ZFHX3: variants seen among roughly 807,000 people sequenced by gnomAD.
ZFHX3 encodes the protein zinc finger homeobox protein 3.
In ZFHX3, 42 loss-of-function variants were observed where a neutral mutation model predicts 279.1. The ratio of observed to expected loss-of-function variants is 0.15; its 90% confidence interval spans 0.12 to 0.19. ZFHX3 has a LOEUF of 0.19. ZFHX3 is among the 10% of genes least tolerant of loss of function. The probability of loss-of-function intolerance (pLI) is 1.00; values close to 1 mark genes in which losing one functional copy is unlikely to be tolerated. For synonymous variants in ZFHX3, 2,293 were observed against 1,957.8 expected (o/e 1.17, Z -4.52); for missense variants, 4,981 against 4,754.0 (o/e 1.05, Z -1.40).
intron 1 of ZFHX3, among the ~76,000 whole-genome samples, chr16:73,738,020 A>G (rs574469263): frequency 2.0e-5 from 3 of 152,154 alleles, no homozygotes; most frequent in Admixed American, 6.6e-5. Flanking sequence ...GGGGATTATC[A>G]TGGGATTTTA....
intron 1 of ZFHX3, among the ~76,000 whole-genome samples, chr16:73,685,544 C>CAATAAAG (rs2053073974): frequency 6.6e-6 from 1 of 152,188 alleles, no homozygotes; most frequent in African/African-American, 2.4e-5. Flanking sequence ...CCCAATGAGA[C>CAATAAAG]CCTTCTCAGA....
At chr16:72,923,664 C>T (rs1340026592) in intron 3 of ZFHX3, among the ~76,000 whole-genome samples, 1 of 152,100 alleles carries the variant, frequency 6.6e-6, no homozygotes. Context: ...TAAGACCATT[C>T]CACAGCCTAC....
intron 3 of ZFHX3, among the ~76,000 whole-genome samples, chr16:73,319,956 T>C (rs887384837): frequency 6.6e-6 from 1 of 152,204 alleles, no homozygotes; most frequent in African/African-American, 2.4e-5. Context: ...ATTAAAATGA[T>C]GAGAGTGAAC....
rs370097023 is a variant in ZFHX3, at chr16:73,679,828, C to A, written c.-1547+352G>T. 38 of 152,254 alleles carry A rather than the reference C, an allele frequency of 2.5e-4. 1 individual carries two copies. The highest frequency in any genetic ancestry group is 8.3e-4 in the South Asian group (4 of 4,824). 9.4% of individuals were successfully genotyped at this position (152,254 alleles called of 1,614,324 possible). A position where few individuals can be genotyped will look rare whatever the true frequency, so the allele number is the denominator to read the frequency against. On this transcript the variant is annotated intron_variant, in intron 2 of 17. Coordinates refer to the ZFHX3 transcript ENST00000641206. ...CAAAGCTCATGACTTACACAGCCAG[C>A]ACCTCCCGTAGCAATCGTTCTGCTG...
At chr16:73,602,323 C>T (rs1289717741) in intron 2 of ZFHX3, among the ~76,000 whole-genome samples, 2 of 152,234 alleles carry the variant, frequency 1.3e-5, no homozygotes, top group Middle Eastern at 3.4e-3. Flanking sequence ...ATGTATATCA[C>T]GCAGTGCTGA....
At position 73,192,736 on chromosome 16, in the gene ZFHX3, C is replaced by T. The variant is rs572276506; in HGVS notation, c.-1103-48905G>A. On this transcript the variant is annotated intron_variant, in intron 5 of 17. Coordinates refer to the ZFHX3 transcript ENST00000641206. ...TGTCCTCGTTAATTTTAACCTCATG[C>T]GCTGGTGCTTTAAGCAGATTTCCAT... Among the ~76,000 whole-genome samples, 27 of 152,290 alleles carry T rather than the reference C, an allele frequency of 1.8e-4. No individual in the cohort carries two copies. The South Asian group carries it at 5.2e-3, about 29-fold the overall frequency.
intron 7 of ZFHX3, among the ~76,000 whole-genome samples, chr16:73,112,640 C>G (rs1198881175): frequency 1.6e-5 from 2 of 124,360 alleles, no homozygotes; most frequent in African/African-American, 6.1e-5. Flanking sequence ...CTCTTGAACC[C>G]GGGAGGTGGA....
chr16:72,967,551 T>C (rs1961902212), intron 1 of ZFHX3, among the ~76,000 whole-genome samples: 2 of 152,050 alleles, frequency 1.3e-5, no homozygotes, highest in Non-Finnish European at 2.9e-5. Context: ...AAAATCACCA[T>C]TTGATAACCA....
At chr16:73,855,520 G>GGAA (rs1961705905) in intron 1 of ZFHX3, among the ~76,000 whole-genome samples, 1 of 152,030 alleles carries the variant, frequency 6.6e-6, no homozygotes, top group African/African-American at 2.4e-5. Flanking sequence ...AGGAGGAGGA[G>GGAA]GAGGAGGAAT....
chr16:73,587,176 G>T (rs2051936143), intron 2 of ZFHX3, among the ~76,000 whole-genome samples: 1 of 152,188 alleles, frequency 6.6e-6, no homozygotes, highest in South Asian at 2.1e-4. Context: ...CATCAGTTCA[G>T]AACCATGATA....
chr16:73,725,755 T>A (rs2142242787), intron 1 of ZFHX3, among the ~76,000 whole-genome samples: 1 of 152,210 alleles, frequency 6.6e-6, no homozygotes, highest in Middle Eastern at 3.4e-3. Flanking sequence ...GAAGTAGGGA[T>A]GGACAGTGCT....
chr16:73,773,924 G>C (rs118143847), intron 1 of ZFHX3, among the ~76,000 whole-genome samples: 2,325 of 152,112 alleles, frequency 0.015, 28 homozygotes, highest in Non-Finnish European at 0.025. Context: ...GATCTCTTGA[G>C]GCCAGGAGCT....
chr16:73,232,997 G>A (rs904329240), intron 5 of ZFHX3: 1 of 151,748 alleles, frequency 6.6e-6, no homozygotes, highest in African/African-American at 2.4e-5. Context: ...TATGGGGGTG[G>A]GGGGTAGTGG....
In ZFHX3 at chr16:73,585,315, C is replaced by A. The variant is rs145977694; in HGVS notation, c.-1547+94865G>T. Among the ~76,000 whole-genome samples, 602 of 152,288 alleles carry A rather than the reference C, an allele frequency of 4.0e-3. 12 individuals carry two copies. Among genetic ancestry groups the A allele is most frequent in the East Asian group, 0.038 (196 of 5,168 alleles). Reference sequence around the variant, plus strand: ...CCTATAATCCCAGCTACTGGGGAGGCTGAGGCAGGATAATCACTTGAACCC... The same window carrying A: ...CCTATAATCCCAGCTACTGGGGAGGATGAGGCAGGATAATCACTTGAACCC... On this transcript the variant is annotated intron_variant, in intron 2 of 17. Coordinates refer to the ZFHX3 transcript ENST00000641206.
At chr16:73,000,758 G>A (rs761930347) in intron 1 of ZFHX3, among the ~76,000 whole-genome samples, 28 of 152,284 alleles carry the variant, frequency 1.8e-4, no homozygotes, top group South Asian at 2.1e-4. Flanking sequence ...AAAGGACAGC[G>A]GATGGGCGTC....
chr16:72,850,286 T>G (rs1192776661), intron 4 of ZFHX3, among the ~76,000 whole-genome samples: 1 of 152,090 alleles, frequency 6.6e-6, no homozygotes, highest in East Asian at 1.9e-4. Context: ...AGACCACAGG[T>G]CCCACATGGA....
intron 5 of ZFHX3, among the ~76,000 whole-genome samples, chr16:73,176,178 T>C (rs1369295182): frequency 6.6e-6 from 1 of 152,246 alleles, no homozygotes; most frequent in African/African-American, 2.4e-5. Context: ...CTTTCATTTA[T>C]ATGTAAATGA....
intron 2 of ZFHX3, among the ~76,000 whole-genome samples, chr16:73,634,206 T>A (rs1167558201): frequency 6.6e-6 from 1 of 151,670 alleles, no homozygotes; most frequent in Non-Finnish European, 1.5e-5. Flanking sequence ...AATATAAAAT[T>A]GGGAAATTAT....
At chr16:72,912,415 G>A (rs554920532) in intron 3 of ZFHX3, among the ~76,000 whole-genome samples, 6 of 152,314 alleles carry the variant, frequency 3.9e-5, no homozygotes, top group Admixed American at 2.6e-4. Flanking sequence ...AACATTAAGC[G>A]CTGGCCAAAC....
Sources: allele counts gnomAD v4.1 joint callset (sites outside exome capture counted in the v4.1 genomes callset), GRCh38; gene constraint gnomAD v4.1.1; transcripts MANE v1.5; gene names NCBI Gene and HGNC (gene_info 2026-07-23, HGNC 2026-07-21).